The following ACTR3C variants were observed in gnomAD, a reference collection of about 807,000 sequenced individuals.
The protein encoded by ACTR3C is actin related protein 3C.
ACTR3C carries 18 observed loss-of-function variants against 26.3 expected under a neutral mutation model. The ratio of observed to expected loss-of-function variants is 0.68; its 90% CI spans 0.47 to 1.01. ACTR3C has a LOEUF of 1.01. Ranked by LOEUF, ACTR3C falls within the 50% of genes least tolerant of loss-of-function variation. The pLI is 0.00. For synonymous variants in ACTR3C, 55 were observed against 94.5 expected, an observed-to-expected ratio of 0.58 and a Z score of 2.42; for missense variants, 184 against 250.7, an observed-to-expected ratio of 0.73 and a Z score of 1.80.
the ACTR3C span, among the ~76,000 whole-genome samples, chr7:149,983,949 A>G: frequency 6.6e-6 from 1 of 152,082 alleles, no homozygotes; most frequent in Non-Finnish European, 1.5e-5. Context: ...GGTGCTTGCC[A>G]GGGGCTTGGG....
the ACTR3C span, among the ~76,000 whole-genome samples, chr7:150,224,888 A>G: frequency 1.3e-5 from 2 of 151,966 alleles, no homozygotes; most frequent in South Asian, 4.2e-4. Flanking sequence ...GAATATTTGT[A>G]TGATATTTTG....
chr7:150,204,848 C>T, the ACTR3C span, among the ~76,000 whole-genome samples: 53 of 149,738 alleles, frequency 3.5e-4, no homozygotes, highest in African/African-American at 1.1e-3. Context: ...GGAGGACTGG[C>T]GAGTGCAGAG....
At chr7:149,884,956 C>G in the ACTR3C span, among the ~76,000 whole-genome samples, 1 of 152,212 alleles carries the variant, frequency 6.6e-6, no homozygotes, top group East Asian at 1.9e-4. Flanking sequence ...CCCTCGAAGA[C>G]AGGATGTCCA....
chr7:150,068,296 C>T, the ACTR3C span, among the ~76,000 whole-genome samples: 1 of 152,140 alleles, frequency 6.6e-6, no homozygotes, highest in Non-Finnish European at 1.5e-5. Flanking sequence ...AAGCTAATTT[C>T]CATCCCATTC....
At chr7:149,885,367 C>T in the ACTR3C span, among the ~76,000 whole-genome samples, 1 of 152,200 alleles carries the variant, frequency 6.6e-6, no homozygotes, top group African/African-American at 2.4e-5. Context: ...GAAGTAAGCC[C>T]CCAAGCCGCC....
At chr7:149,898,108 A>G in the ACTR3C span, among the ~76,000 whole-genome samples, 1 of 152,212 alleles carries the variant, frequency 6.6e-6, no homozygotes, top group South Asian at 2.1e-4. Context: ...GCACGAGTGA[A>G]GTGGAAACAC....
chr7:150,251,982 G>A (rs574183360), intron 6 of ACTR3C, among the ~76,000 whole-genome samples: 11 of 152,096 alleles, frequency 7.2e-5, no homozygotes, highest in Non-Finnish European at 1.2e-4. Context: ...ATAGTCCAGC[G>A]TTTGCTCTGT....
At chr7:150,197,910 A>G in the ACTR3C span, among the ~76,000 whole-genome samples, 1 of 148,964 alleles carries the variant, frequency 6.7e-6, no homozygotes, top group South Asian at 2.1e-4. Context: ...GCGGAGCCGA[A>G]GCTGGACTGT....
At chr7:150,081,538 T>C in the ACTR3C span, among the ~76,000 whole-genome samples, 1 of 151,498 alleles carries the variant, frequency 6.6e-6, no homozygotes, top group South Asian at 2.1e-4. Flanking sequence ...AGACTAGGCT[T>C]GTTAAAAATG....
chr7:150,263,158 A>G (rs1833773795), intron 6 of ACTR3C, among the ~76,000 whole-genome samples: 1 of 151,930 alleles, frequency 6.6e-6, no homozygotes, highest in Admixed American at 6.6e-5. Context: ...TGGCCACAGG[A>G]GTCCACAAAT....
chr7:150,126,115 G>A, the ACTR3C span, among the ~76,000 whole-genome samples: 2 of 152,224 alleles, frequency 1.3e-5, no homozygotes, highest in Non-Finnish European at 2.9e-5. Flanking sequence ...TGAAACAAAG[G>A]ACAGATTGTT....
chr7:150,307,570 C>T (rs187639512), intron 1 of ACTR3C, among the ~76,000 whole-genome samples: 35 of 152,330 alleles, frequency 2.3e-4, no homozygotes, highest in African/African-American at 8.2e-4. Context: ...TACCCAACTC[C>T]TATAAAGCAA....
At chr7:150,146,487 A>G in the ACTR3C span, among the ~76,000 whole-genome samples, 1 of 152,196 alleles carries the variant, frequency 6.6e-6, no homozygotes, top group Non-Finnish European at 1.5e-5. Flanking sequence ...TTTACTAATG[A>G]ATTTAAAACA....
the ACTR3C span, among the ~76,000 whole-genome samples, chr7:150,112,166 TTC>T: frequency 1.3e-5 from 2 of 151,020 alleles, no homozygotes; most frequent in Non-Finnish European, 3.0e-5. Context: ...GAGCACCCCT[TTC>T]TCCGGGCCCC....
At chr7:150,234,470 T>A in the ACTR3C span, among the ~76,000 whole-genome samples, 1 of 152,154 alleles carries the variant, frequency 6.6e-6, no homozygotes, top group African/African-American at 2.4e-5. Flanking sequence ...AACTCTTTAC[T>A]GTGAGAGCTT....
chr7:150,202,310 G>A, the ACTR3C span, among the ~76,000 whole-genome samples: 2 of 151,826 alleles, frequency 1.3e-5, no homozygotes, highest in East Asian at 1.9e-4. Context: ...AATATATTTC[G>A]GTTTTTGCTT....
At chr7:150,273,121 C>G (rs1240792986) in intron 6 of ACTR3C, among the ~76,000 whole-genome samples, 1 of 148,760 alleles carries the variant, frequency 6.7e-6, no homozygotes, top group Non-Finnish European at 1.5e-5. Flanking sequence ...AGAAAAGAAG[C>G]AGATTATCCC....
chr7:149,959,233 C>G, the ACTR3C span, among the ~76,000 whole-genome samples: 1 of 143,070 alleles, frequency 7.0e-6, no homozygotes, highest in East Asian at 2.0e-4. Flanking sequence ...CCCCCCACCC[C>G]CACAATCTCC....
chr7:149,980,033 G>C, the ACTR3C span, among the ~76,000 whole-genome samples: 1 of 152,016 alleles, frequency 6.6e-6, no homozygotes, highest in African/African-American at 2.4e-5. Context: ...CTATGTTTTA[G>C]AATTGTTCTC....
Sources: allele counts gnomAD v4.1 joint callset (sites outside exome capture counted in the v4.1 genomes callset), GRCh38; gene constraint gnomAD v4.1.1; transcripts MANE v1.5; gene names NCBI Gene and HGNC (gene_info 2026-07-23, HGNC 2026-07-21).